Variants in DLGAP1 observed in about 807,000 individuals in gnomAD.
DLGAP1 encodes the protein disks large-associated protein 1.
DLGAP1 carries 11 observed loss-of-function variants against 90.8 expected under a neutral mutation model. That is an observed-to-expected ratio of 0.12 (90% confidence interval 0.08 to 0.20). The LOEUF is 0.20. Among genes scored for constraint, DLGAP1 ranks in the 10% least tolerant of loss-of-function variants. The pLI is 1.00. For synonymous variants in DLGAP1, 558 were observed against 540.7 expected, an observed-to-expected ratio of 1.03 and a Z score of -0.44; for missense variants, 1,050 against 1,333.8, an observed-to-expected ratio of 0.79 and a Z score of 3.31.
intron 2 of DLGAP1, among the ~76,000 whole-genome samples, chr18:4,125,419 G>A (rs1370328864): frequency 6.6e-6 from 1 of 152,140 alleles, no homozygotes; most frequent in Admixed American, 6.5e-5. Flanking sequence ...AAGGAGAGAA[G>A]CATTCCCATC....
At chr18:3,741,330 T>TCACCACCACCAC (rs376924253) in intron 6 of DLGAP1, among the ~76,000 whole-genome samples, 1 of 63,952 alleles carries the variant, frequency 1.6e-5, no homozygotes, top group African/African-American at 7.1e-5. Flanking sequence ...ACCACCACCA[T>TCACCACCACCAC]CACCACCACC....
intron 7 of DLGAP1, among the ~76,000 whole-genome samples, chr18:3,717,557 C>T (rs1369526762): frequency 6.6e-6 from 1 of 152,094 alleles, no homozygotes; most frequent in Non-Finnish European, 1.5e-5. Context: ...AAACTTTGTT[C>T]CTCAAAGTGG....
Position 3,499,012 on chromosome 18 carries a change from G to T in DLGAP1, c.*173C>A. The T allele has an allele frequency of 1.7e-6, 1 of 589,044 alleles. No homozygotes were observed. The allele number at this position is 589,044 out of a possible 1,614,324, so 36.5% of individuals were successfully genotyped here. A position where few individuals can be genotyped will look rare whatever the true frequency, so the allele number is the denominator to read the frequency against. Reference sequence around the variant, plus strand: ...TGGGCAAACGGGTACGGGAAGTGGGGGGCTGAGGGGGGCCCGGGGGGCGGC... The same window carrying T: ...TGGGCAAACGGGTACGGGAAGTGGGTGGCTGAGGGGGGCCCGGGGGGCGGC... On this transcript the variant is annotated 3_prime_UTR_variant, in exon 13 of 13. Transcript: ENST00000315677. The surrounding 1 kb of genome is among the most constrained non-coding windows in gnomAD (Gnocchi z 6.4).
chr18:3,921,398 G>C (rs1344729198), intron 3 of DLGAP1, among the ~76,000 whole-genome samples: 1 of 151,994 alleles, frequency 6.6e-6, no homozygotes, highest in Non-Finnish European at 1.5e-5. Flanking sequence ...AGTGCCTGCA[G>C]TATCTACACT....
chr18:4,074,181 T>C (rs543605456), intron 2 of DLGAP1, among the ~76,000 whole-genome samples: 3 of 152,302 alleles, frequency 2.0e-5, no homozygotes, highest in South Asian at 4.1e-4. Context: ...AAATGGATTC[T>C]AGACTTAGTT....
intron 7 of DLGAP1, among the ~76,000 whole-genome samples, chr18:3,630,176 C>G (rs2058473052): frequency 6.6e-6 from 1 of 152,070 alleles, no homozygotes; most frequent in African/African-American, 2.4e-5. Flanking sequence ...ATTGCTCTCC[C>G]CAGTGTGGTT....
At chr18:3,937,230 C>T (rs905314756) in intron 3 of DLGAP1, among the ~76,000 whole-genome samples, 1 of 152,166 alleles carries the variant, frequency 6.6e-6, no homozygotes, top group Non-Finnish European at 1.5e-5. Context: ...TGTTCTCAGG[C>T]TGCTAATAAA....
intron 9 of DLGAP1, among the ~76,000 whole-genome samples, chr18:3,546,261 A>G (rs973324047): frequency 3.9e-5 from 6 of 152,206 alleles, no homozygotes; most frequent in Non-Finnish European, 7.4e-5. Flanking sequence ...CTTCGCTACA[A>G]AAATTAGTCG....
intron 3 of DLGAP1, among the ~76,000 whole-genome samples, chr18:3,889,283 C>A (rs2071400734): frequency 6.6e-6 from 1 of 152,044 alleles, no homozygotes; most frequent in Non-Finnish European, 1.5e-5. Flanking sequence ...TGAAAAGGAG[C>A]AGTGGAAATA....
intron 2 of DLGAP1, among the ~76,000 whole-genome samples, chr18:4,010,573 T>C (rs990505325): frequency 5.3e-5 from 8 of 152,004 alleles, no homozygotes; most frequent in African/African-American, 1.9e-4. Flanking sequence ...TTTAAAAAGA[T>C]AAAGAATCAT....
chr18:3,999,858 C>T lies in DLGAP1; in HGVS notation c.-73+5258G>A, dbSNP rs2074146007. Among the ~76,000 whole-genome samples, 5 of 152,158 alleles carry T rather than the reference C, an allele frequency of 3.3e-5. 1 individual carries two copies. The South Asian group carries it at 1.0e-3, about 32-fold the overall frequency. On this transcript the variant is annotated intron_variant, in intron 3 of 12. Coordinates refer to ENST00000315677, the MANE Select transcript of DLGAP1 (RefSeq NM_004746.4). ...ACAGGGTCTCGCTCTGTCATCTAGG[C>T]TAAAGTGCAGTGGCGCCATCATAGC...
intron 2 of DLGAP1, among the ~76,000 whole-genome samples, chr18:4,109,780 A>T (rs1568402027): frequency 6.6e-6 from 1 of 150,728 alleles, no homozygotes; most frequent in East Asian, 1.9e-4. Context: ...TTTCCCCCAT[A>T]TTTTTTTTTA....
intron 5 of DLGAP1, among the ~76,000 whole-genome samples, chr18:3,803,892 G>T (rs1970494235): frequency 1.4e-5 from 2 of 142,312 alleles, no homozygotes; most frequent in African/African-American, 2.6e-5. Context: ...ACAATAGGAA[G>T]AAAATTAAAA....
At chr18:4,387,922 AT>A (rs2082264042) in intron 1 of DLGAP1, among the ~76,000 whole-genome samples, 1 of 31,624 alleles carries the variant, frequency 3.2e-5, no homozygotes, top group Non-Finnish European at 8.4e-5. Flanking sequence ...CAGAGACTCC[AT>A]CACACATACA....
intron 1 of DLGAP1, among the ~76,000 whole-genome samples, chr18:4,253,409 A>G (rs1334434980): frequency 6.6e-6 from 1 of 152,114 alleles, no homozygotes; most frequent in Non-Finnish European, 1.5e-5. Flanking sequence ...ATCTTATTTT[A>G]TTTATTTTAT....
intron 1 of DLGAP1, among the ~76,000 whole-genome samples, chr18:4,245,584 GAGCAGCAAGTTCCAGACTAC>G (rs1229954071): frequency 2.6e-5 from 4 of 152,094 alleles, no homozygotes; most frequent in African/African-American, 9.7e-5. Context: ...ACTTTCAAAT[GAGCAGCAAGTTCCAGACTAC>G]AGCAGCACAG....
chr18:4,256,717 C>A (rs1345368036), intron 1 of DLGAP1, among the ~76,000 whole-genome samples: 5 of 152,054 alleles, frequency 3.3e-5, no homozygotes. Flanking sequence ...TTTACTCTCT[C>A]CTGAGAGAAC....
intron 1 of DLGAP1, among the ~76,000 whole-genome samples, chr18:4,361,541 G>C (rs1301674551): frequency 6.6e-6 from 1 of 152,104 alleles, no homozygotes; most frequent in African/African-American, 2.4e-5. Flanking sequence ...TGGGAAAAAT[G>C]GATTTCCACA....
intron 7 of DLGAP1, among the ~76,000 whole-genome samples, chr18:3,589,049 G>A (rs2872503): frequency 0.015 from 2,271 of 152,060 alleles, 59 homozygotes; most frequent in African/African-American, 0.051. Flanking sequence ...TTAACCCAGC[G>A]TGGTGGCAGG....
Sources: allele counts gnomAD v4.1 joint callset (sites outside exome capture counted in the v4.1 genomes callset), GRCh38; gene constraint gnomAD v4.1.1; non-coding constraint Gnocchi (gnomAD v3.1); transcripts MANE v1.5; gene names NCBI Gene and HGNC (gene_info 2026-07-23, HGNC 2026-07-21).